Variants in ANK2 observed in about 807,000 individuals in gnomAD.
ANK2 encodes ankyrin-2.
A neutral mutation model predicts 360.5 loss-of-function variants in ANK2; 83 were observed. The observed-to-expected ratio is 0.23, with a 90% CI of 0.19 to 0.28. The LOEUF (loss-of-function observed/expected upper bound fraction) is 0.28, where lower values mean the gene tolerates loss of function less well. ANK2 is among the 10% of genes least tolerant of loss of function. ANK2 has a pLI of 1.00. For synonymous variants in ANK2, 1,740 were observed against 1,759.5 expected, an observed-to-expected ratio of 0.99 and a Z score of 0.28; for missense variants, 4,201 against 4,795.7, an observed-to-expected ratio of 0.88 and a Z score of 3.66.
At chr4:112,738,655 A>G in the ANK2 span, 1 of 568,722 alleles carries the variant, frequency 1.8e-6, no homozygotes, top group Non-Finnish European at 3.4e-6. Flanking sequence ...GGTGGCAGCC[A>G]TCTCCTCCTC....
chr4:113,197,001 C>G (rs2098757034), intron 3 of ANK2, among the ~76,000 whole-genome samples: 1 of 152,170 alleles, frequency 6.6e-6, no homozygotes, highest in Non-Finnish European at 1.5e-5. Context: ...TTTTATCTTT[C>G]CCCCTTCGAT....
intron 26 of ANK2, among the ~76,000 whole-genome samples, chr4:113,322,865 G>A (rs958739063): frequency 1.3e-5 from 2 of 152,104 alleles, no homozygotes; most frequent in African/African-American, 2.4e-5. Context: ...AATATGTACG[G>A]CAGTTAAGTT....
chr4:113,196,329 T>A, intron 2 of ANK2, 39 bp from the exon 3 acceptor site: 1 of 1,528,508 alleles, frequency 6.5e-7, no homozygotes, highest in Non-Finnish European at 9.0e-7. Flanking sequence ...TTTTCCTCAT[T>A]ACTTCACTTC....
intron 4 of ANK2, among the ~76,000 whole-genome samples, chr4:113,219,461 CTT>C (rs1468492450): frequency 2.0e-5 from 3 of 151,788 alleles, no homozygotes; most frequent in East Asian, 1.9e-4. Context: ...CTAAAATAAA[CTT>C]AATATTTCTA....
rs1034806494 is a variant in ANK2, at chr4:112,982,920, T to C, written c.21+78406T>C. Among the ~76,000 whole-genome samples, 3 of 152,220 alleles carry C rather than the reference T, an allele frequency of 2.0e-5. No individual in the cohort carries two copies. The South Asian group carries it at 6.2e-4, about 32-fold the overall frequency. Reference sequence around the variant, plus strand: ...TTGCAATCTGTGCAGTAGAATTCATTCTTTCAACCCTTGTTGTTGGTTACA... The same window carrying C: ...TTGCAATCTGTGCAGTAGAATTCATCCTTTCAACCCTTGTTGTTGGTTACA... On this transcript the variant is annotated intron_variant, in intron 2 of 30. Coordinates refer to the ANK2 transcript ENST00000503271.
intron 13 of ANK2, among the ~76,000 whole-genome samples, chr4:113,259,884 A>G (rs936878389): frequency 6.6e-6 from 1 of 151,674 alleles, no homozygotes; most frequent in African/African-American, 2.4e-5. Context: ...AAAAACAAAC[A>G]ACAACAACAG....
chr4:112,735,703 A>G, the ANK2 span, among the ~76,000 whole-genome samples: 2 of 152,196 alleles, frequency 1.3e-5, no homozygotes, highest in African/African-American at 4.8e-5. Context: ...AAAAAAACAT[A>G]TAGAATTTAT....
chr4:113,266,351 A>G (rs566396000), intron 14 of ANK2, among the ~76,000 whole-genome samples: 9 of 152,186 alleles, frequency 5.9e-5, no homozygotes, highest in African/African-American at 2.2e-4. Context: ...TATCCATTCT[A>G]TCATTGGTGG....
At chr4:112,965,434 A>C (rs537287710) in intron 2 of ANK2, among the ~76,000 whole-genome samples, 2 of 151,914 alleles carry the variant, frequency 1.3e-5, no homozygotes, top group African/African-American at 4.8e-5. Flanking sequence ...GTTTGCAAAT[A>C]TTTTCTCCCG....
intron 2 of ANK2, among the ~76,000 whole-genome samples, chr4:112,916,550 G>A (rs2089899363): frequency 6.6e-6 from 1 of 152,176 alleles, no homozygotes; most frequent in Non-Finnish European, 1.5e-5. Context: ...AACATTTGTA[G>A]TCTGTATATT....
the ANK2 span, among the ~76,000 whole-genome samples, chr4:112,712,574 A>AT: frequency 1.3e-5 from 2 of 150,238 alleles, no homozygotes; most frequent in Non-Finnish European, 3.0e-5. Context: ...TGCCCAGCTA[A>AT]TTTTTTGTAT....
chr4:113,046,557 C>G (rs1473634920), upstream of ANK2, among the ~76,000 whole-genome samples: 1 of 152,048 alleles, frequency 6.6e-6, no homozygotes, highest in Non-Finnish European at 1.5e-5. Flanking sequence ...GCTTTTCTTT[C>G]CTTCTGCCAT....
At chr4:113,094,416 G>T (rs1199463607) in intron 1 of ANK2, among the ~76,000 whole-genome samples, 2 of 152,106 alleles carry the variant, frequency 1.3e-5, no homozygotes, top group African/African-American at 4.8e-5. Flanking sequence ...TACAAATTTT[G>T]ATACTTATCT....
At chr4:113,255,347 A>T (rs2048720355) in intron 10 of ANK2, among the ~76,000 whole-genome samples, 1 of 152,242 alleles carries the variant, frequency 6.6e-6, no homozygotes, top group Admixed American at 6.5e-5. Context: ...CTGTATTTAT[A>T]AGAAATGCAG....
intron 1 of ANK2, among the ~76,000 whole-genome samples, chr4:113,113,584 A>G (rs1194523198): frequency 6.6e-6 from 1 of 152,224 alleles, no homozygotes; most frequent in Non-Finnish European, 1.5e-5. Context: ...GAAGGCAGAC[A>G]CAAGTTTATC....
chr4:113,323,677 A>C lies in ANK2; in HGVS notation c.2900+5057A>C. 3 of 1,366,128 alleles carry C rather than the reference A, an allele frequency of 2.2e-6. No individual in the cohort carries two copies. In the South Asian group the frequency reaches 4.1e-5, roughly 19 times the overall value. 84.6% of individuals were successfully genotyped at this position (1,366,128 alleles called of 1,614,324 possible). ...CAATGAATAAGGTATTGGTGTATAA[A>C]TAATAAGTCACTTCTGAGTTCCTTC... On this transcript the variant is annotated intron_variant, in intron 26 of 45. Transcript: ENST00000357077.
chr4:113,367,143 A>G (rs1461400331), intron 41 of ANK2, among the ~76,000 whole-genome samples: 2 of 152,322 alleles, frequency 1.3e-5, no homozygotes, highest in South Asian at 2.1e-4. Flanking sequence ...ATAAATTTTC[A>G]GTATGTATTA....
the ANK2 span, among the ~76,000 whole-genome samples, chr4:112,742,508 C>T: frequency 6.6e-6 from 1 of 151,588 alleles, no homozygotes; most frequent in African/African-American, 2.4e-5. Context: ...GCCTTGTTTG[C>T]CTTGATAAGG....
intron 1 of ANK2, among the ~76,000 whole-genome samples, chr4:112,830,145 C>A (rs937557674): frequency 1.3e-5 from 2 of 152,122 alleles, no homozygotes; most frequent in Admixed American, 6.5e-5. Flanking sequence ...CGTCTCATCA[C>A]TGAGTGTATA....
Sources: allele counts gnomAD v4.1 joint callset (sites outside exome capture counted in the v4.1 genomes callset), GRCh38; gene constraint gnomAD v4.1.1; transcripts MANE v1.5; gene names NCBI Gene and HGNC (gene_info 2026-07-23, HGNC 2026-07-21).